ZMAT1: variants seen among roughly 807,000 people sequenced by gnomAD.
The protein encoded by ZMAT1 is zinc finger matrin-type protein 1.
Under a neutral mutation model 18.5 loss-of-function variants are expected in ZMAT1, and 11 were observed. The observed-to-expected ratio is 0.59, with a 90% CI of 0.37 to 0.98. The LOEUF is 0.98. ZMAT1 is among the 50% of genes least tolerant of loss of function. ZMAT1 has a pLI of 0.01. For synonymous variants in ZMAT1, 211 were observed against 176.4 expected (o/e 1.20, Z -1.55); for missense variants, 525 against 496.2 (o/e 1.06, Z -0.55).
intron 1 of ZMAT1, among the ~76,000 whole-genome samples, chrX:101,909,614 C>A (rs191874657): frequency 8.9e-6 from 1 of 112,114 alleles, no homozygotes; most frequent in East Asian, 2.8e-4. Flanking sequence ...TAAGGGAACA[C>A]CAGTGGTAAT....
At chrX:101,909,735 G>T (rs1367459588) in intron 1 of ZMAT1, among the ~76,000 whole-genome samples, 1 of 112,549 alleles carries the variant, frequency 8.9e-6, no homozygotes, top group African/African-American at 3.2e-5. Context: ...TGTGGTTTGA[G>T]TACCAGCTCA....
intron 1 of ZMAT1, among the ~76,000 whole-genome samples, chrX:101,923,888 A>G (rs777121681): frequency 5.4e-5 from 6 of 111,858 alleles, no homozygotes; most frequent in African/African-American, 1.3e-4. Flanking sequence ...ACACATTAGA[A>G]TATCAAATGA....
chrX:101,921,889 A>G (rs1603285120), intron 1 of ZMAT1, among the ~76,000 whole-genome samples: 1 of 111,370 alleles, frequency 9.0e-6, no homozygotes, highest in Non-Finnish European at 1.9e-5. Flanking sequence ...TTTGGTGGTC[A>G]TATCATACTG....
chrX:101,883,682 T>C lies in ZMAT1; in HGVS notation c.1916A>G (p.Glu639Gly). The change falls in exon 6 of 6, where the codon GAG becomes GGG. Residue 639 changes from glutamate (E) to glycine (G), a missense_variant. By Grantham distance (98) the Glu-to-Gly change is moderately conservative. Coordinates refer to ENST00000651725, the MANE Select transcript of ZMAT1 (RefSeq NM_001394560.1). ...KDKSIRQRKR[E>G]EDRVKVSSGK... is the part of the protein sequence containing the mutation. ...TGAACTGACCTTGACTCTATCCTCC[T>C]CTCTTTTCCTTTGTCTGATGCTCTT... 8.3e-7 allele frequency: 1 copy of C among 1,208,540 alleles called. No homozygotes were observed. Among genetic ancestry groups the C allele is most frequent in the Non-Finnish European group, 1.1e-6 (1 of 894,799 alleles).
intron 4 of ZMAT1, among the ~76,000 whole-genome samples, chrX:101,896,628 G>A (rs1171897446): frequency 1.8e-5 from 2 of 112,343 alleles, no homozygotes; most frequent in African/African-American, 6.5e-5. Context: ...TATACTATGA[G>A]TTCAAAATTG....
intron 1 of ZMAT1, among the ~76,000 whole-genome samples, chrX:101,908,875 C>T (rs1928775147): frequency 9.0e-6 from 1 of 110,708 alleles, no homozygotes; most frequent in African/African-American, 3.3e-5. Flanking sequence ...TGAACTAGGC[C>T]CAGAGACAGT....
chrX:101,911,665 A>G (rs1928970797), intron 1 of ZMAT1: 2 of 1,205,051 alleles, frequency 1.7e-6, no homozygotes, highest in Non-Finnish European at 2.2e-6. Flanking sequence ...AGCCCTACGA[A>G]TGCAACCAGT....
chrX:101,914,898 C>T (rs756372822), intron 1 of ZMAT1, among the ~76,000 whole-genome samples: 1 of 111,499 alleles, frequency 9.0e-6, no homozygotes, highest in South Asian at 3.8e-4. Flanking sequence ...AAGAAAACTA[C>T]AGGCCAAGAT....
intron 1 of ZMAT1, chrX:101,931,506 G>C: frequency 2.7e-6 from 2 of 752,753 alleles, no homozygotes; most frequent in South Asian, 6.8e-5. Flanking sequence ...CTTTACAGGT[G>C]GGAGAGGTAG....
intron 1 of ZMAT1, among the ~76,000 whole-genome samples, chrX:101,919,111 C>A (rs760891179): frequency 9.0e-5 from 10 of 111,421 alleles, no homozygotes; most frequent in Admixed American, 4.8e-4. Flanking sequence ...CATATCAATT[C>A]TAGCTTATAA....
intron 4 of ZMAT1, chrX:101,894,485 A>T (rs890015024): frequency 1.3e-6 from 1 of 752,138 alleles, no homozygotes; most frequent in African/African-American, 2.3e-5. Context: ...GACTAGGTGG[A>T]TTTGAAATGG....
chrX:101,891,487 A>T (rs999891151), intron 4 of ZMAT1, among the ~76,000 whole-genome samples: 1 of 111,326 alleles, frequency 9.0e-6, no homozygotes, highest in African/African-American at 3.3e-5. Flanking sequence ...GAAAGGCAGA[A>T]GATAGGTCAG....
intron 4 of ZMAT1, chrX:101,892,633 G>T: frequency 2.7e-6 from 1 of 375,271 alleles, no homozygotes; most frequent in Non-Finnish European, 3.4e-6. Context: ...TGAGGCATCT[G>T]AGTGCAATAA....
intron 4 of ZMAT1, among the ~76,000 whole-genome samples, chrX:101,893,378 A>G (rs919141405): frequency 5.4e-5 from 6 of 111,695 alleles, no homozygotes; most frequent in Admixed American, 1.9e-4. Context: ...CTCTGAACAT[A>G]TACTCCTACT....
Position 101,883,800 on chromosome X carries a change from G to A in ZMAT1, c.1798C>T (p.Arg600Ter), listed in dbSNP as rs1385680823. Residue 600 changes from arginine to a stop codon, truncating the protein, a stop_gained, in exon 6 of 6, where the codon CGA becomes TGA. Coordinates refer to ENST00000651725, the MANE Select transcript of ZMAT1 (RefSeq NM_001394560.1). LOFTEE classifies it high-confidence loss of function. ...CTTTCTTTGCCTTCTTCTAGGTGTC[G>A]TTTTCTCTTCTGATGTTTCCGTTTA... ...GHKRKHQKRKRHLEEGKERPE... is the reference protein window; with the variant it reads ...GHKRKHQKRK The A allele has an allele frequency of 5.0e-6, 6 of 1,208,669 alleles. No homozygotes were observed. The highest frequency in any genetic ancestry group is 2.2e-5 in the Admixed American group (1 of 45,571).
At chrX:101,894,769 A>C (rs1305167042) in intron 4 of ZMAT1, 37 of 751,747 alleles carry the variant, frequency 4.9e-5, no homozygotes, top group Non-Finnish European at 5.8e-5. Flanking sequence ...AGGAGGAGAG[A>C]AGAATGAACA....
chrX:101,912,211 T>C (rs747248121), intron 1 of ZMAT1: 9 of 416,940 alleles, frequency 2.2e-5, no homozygotes, highest in African/African-American at 2.0e-4. Flanking sequence ...TCAGACACCC[T>C]CAGAGAGTTC....
At chrX:101,920,730 A>C (rs1297654883) in intron 1 of ZMAT1, among the ~76,000 whole-genome samples, 1 of 112,491 alleles carries the variant, frequency 8.9e-6, no homozygotes, top group Non-Finnish European at 1.9e-5. Flanking sequence ...ACAAATCCTA[A>C]TGTAAAAATA....
In ZMAT1 at chrX:101,884,600, G is replaced by A; in HGVS notation, c.998C>T (p.Thr333Ile). The A allele has an allele frequency of 8.3e-7, 1 of 1,211,103 alleles. No individual in the cohort carries two copies. The highest frequency in any genetic ancestry group is 1.1e-6 in the Non-Finnish European group (1 of 895,118). Residue 333 changes from threonine to isoleucine, a missense_variant, in exon 6 of 6, where the codon ACT (threonine) becomes ATT (isoleucine). By Grantham distance (89) the Thr-to-Ile change is moderately conservative (BLOSUM62 -1). Transcript: ENST00000651725. ...RMFEQRLPFETFRTYAAPYNI... is the reference protein window; with the variant it reads ...RMFEQRLPFEIFRTYAAPYNI... The stretch of plus-strand genomic sequence containing the variant: ...GTATGGTGCTGCGTATGTCCGGAAA[G>A]TCTCAAATGGGAGTCTTTGTTCAAA...
Sources: gnomAD v4.1 joint callset for allele counts (sites outside exome capture counted in the v4.1 genomes callset) on GRCh38, gnomAD v4.1.1 for gene constraint, MANE v1.5 for transcripts, NCBI Gene and HGNC (gene_info 2026-07-23, HGNC 2026-07-21) for gene names.